The following HPD variants were observed in gnomAD, a reference collection of about 807,000 sequenced individuals.
HPD encodes the protein 4-hydroxyphenylpyruvate dioxygenase.
HPD carries 35 observed loss-of-function variants against 56.9 expected under a neutral mutation model. The observed-to-expected ratio is 0.62, with a 90% CI of 0.47 to 0.82. The LOEUF is 0.82. Among genes scored for constraint, HPD ranks in the 40% least tolerant of loss-of-function variants. The pLI is 0.00. For synonymous variants in HPD, 186 were observed against 200.2 expected, an observed-to-expected ratio of 0.93 and a Z score of 0.60; for missense variants, 442 against 506.8, an observed-to-expected ratio of 0.87 and a Z score of 1.23.
In HPD at chr12:121,845,462, G is replaced by A. The variant is rs931710613; in HGVS notation, c.831+1400C>T. 4.0e-5 allele frequency among the ~76,000 whole-genome samples: 6 copies of A among 150,436 alleles called. 1 individual carries two copies. The highest frequency in any genetic ancestry group is 4.2e-4 in the South Asian group (2 of 4,796). On this transcript the variant is annotated intron_variant, in intron 11 of 13. Transcript: ENST00000289004. ...ATACAAAAAAAAACATTAGCTGGGC[G>A]TGGTGGCGGGTGCCTGTAGTCCCAG...
intron 11 of HPD, among the ~76,000 whole-genome samples, chr12:121,844,450 G>A (rs1001995129): frequency 6.6e-6 from 1 of 150,990 alleles, no homozygotes; most frequent in Non-Finnish European, 1.5e-5. Flanking sequence ...GGCATGAAAC[G>A]ATTAAGGATC....
At chr12:121,841,773 T>TC (rs769906044) in intron 12 of HPD, among the ~76,000 whole-genome samples, 197 of 151,936 alleles carry the variant, frequency 1.3e-3, no homozygotes, top group Non-Finnish European at 2.0e-3. Flanking sequence ...AACCTCCCCT[T>TC]CCCTGGGTTC....
upstream of HPD, among the ~76,000 whole-genome samples, chr12:121,866,021 G>T (rs1463672337): frequency 6.6e-6 from 1 of 151,686 alleles, no homozygotes; most frequent in East Asian, 1.9e-4. Flanking sequence ...AAAAAGGTGG[G>T]GCGCCGTGGC....
chr12:121,850,360 G>A (rs1028390796), intron 7 of HPD, among the ~76,000 whole-genome samples: 5 of 151,300 alleles, frequency 3.3e-5, no homozygotes, highest in African/African-American at 4.8e-5. Context: ...CCAGGAGGCA[G>A]AGCTTGCAGT....
chr12:121,882,603 C>T, the HPD span, among the ~76,000 whole-genome samples: 3 of 152,276 alleles, frequency 2.0e-5, no homozygotes, highest in South Asian at 6.2e-4. Context: ...CTAAGAATCT[C>T]CAGTGCATGG....
chr12:121,858,866 G>A, upstream of HPD: 1 of 1,613,056 alleles, frequency 6.2e-7, no homozygotes, highest in East Asian at 2.2e-5. Flanking sequence ...AGAGGCCTGG[G>A]GAGTGCTGGG....
At position 121,846,903 on chromosome 12, in the gene HPD, C is replaced by T; in HGVS notation, c.790G>A (p.Val264Ile). The change falls in exon 11 of 14, where the codon GTC (valine) becomes ATC (isoleucine). Residue 264 changes from valine to isoleucine, a missense_variant. Physicochemically the swap from Val to Ile is conservative, Grantham distance 29 (BLOSUM62 3). Transcript: ENST00000289004. ...EYVDYNGGAG[V>I]QHIALKTEDI... ...TCGGTCTTGAGAGCGATGTGCTGGACCCCAGCGCCCCCGTTATAGTCCACA... is the reference window on the plus strand; with the variant it reads ...TCGGTCTTGAGAGCGATGTGCTGGATCCCAGCGCCCCCGTTATAGTCCACA... The T allele has an allele frequency of 6.2e-7, 1 of 1,614,090 alleles. No individual in the cohort carries two copies. The highest frequency in any genetic ancestry group is 2.2e-5 in the East Asian group (1 of 44,880).
At chr12:121,847,568 G>T (rs552438620) in intron 9 of HPD, among the ~76,000 whole-genome samples, 2 of 151,502 alleles carry the variant, frequency 1.3e-5, no homozygotes, top group Admixed American at 1.3e-4. Flanking sequence ...ACGGAGTTTC[G>T]CTCTTTTCGC....
At chr12:121,853,730 G>A (rs1018501152) in intron 7 of HPD, among the ~76,000 whole-genome samples, 6 of 148,088 alleles carry the variant, frequency 4.1e-5, no homozygotes, top group African/African-American at 1.5e-4. Flanking sequence ...GATCACTTGA[G>A]GTCAGGAGTT....
chr12:121,857,262 T>C, intron 4 of HPD, 66 bp downstream of exon 4: 2 of 1,045,550 alleles, frequency 1.9e-6, no homozygotes, highest in South Asian at 2.5e-5. Flanking sequence ...CTATTTTTAA[T>C]AGAGATGGGG....
chr12:121,879,193 GA>G, the HPD span, among the ~76,000 whole-genome samples: 1 of 152,096 alleles, frequency 6.6e-6, no homozygotes, highest in African/African-American at 2.4e-5. Flanking sequence ...GCTGAGGCCA[GA>G]GAATTGCTTG....
the HPD span, among the ~76,000 whole-genome samples, chr12:121,877,570 T>C: frequency 6.6e-6 from 1 of 152,000 alleles, no homozygotes; most frequent in African/African-American, 2.4e-5. Context: ...CCATCTCTAC[T>C]AAAAATACAA....
rs1030229181 is a variant in HPD at position 121,840,801 on chromosome 12, A to G, written c.955-753T>C. 9.3e-5 allele frequency among the ~76,000 whole-genome samples: 14 copies of G among 151,292 alleles called. 1 individual carries two copies. Among genetic ancestry groups the G allele is most frequent in the Admixed American group, 7.3e-4 (11 of 15,162 alleles). ...AAAAAAAAAAAGGGGGTGGCCAGGC[A>G]TGGTGGCTCACTTTGGGAGGCCGAG... On this transcript the variant is annotated intron_variant, in intron 12 of 13. Transcript: ENST00000289004.
rs1877674491 is a variant in HPD, at chr12:121,848,988, C to T, written c.596+11G>A. ...TCATCTTCACGCAGAGGGAGAGGGC[C>T]AAGGTCTCACCATTCGGAGGCGGAC... On this transcript the variant is annotated intron_variant, in intron 9 of 13. Coordinates refer to ENST00000289004, the MANE Select transcript of HPD (RefSeq NM_002150.3). 6.2e-7 allele frequency: 1 copy of T among 1,608,272 alleles called. No homozygotes were observed. The highest frequency in any genetic ancestry group is 1.7e-5 in the Admixed American group (1 of 59,948).
the HPD span, among the ~76,000 whole-genome samples, chr12:121,872,956 G>C: frequency 6.6e-6 from 1 of 152,036 alleles, no homozygotes; most frequent in Non-Finnish European, 1.5e-5. Flanking sequence ...GCTAGTTTGA[G>C]TTGGGTTTCT....
chr12:121,848,015 A>G (rs1309118542), intron 9 of HPD, among the ~76,000 whole-genome samples: 2 of 152,176 alleles, frequency 1.3e-5, no homozygotes, highest in Non-Finnish European at 2.9e-5. Context: ...GTGTCTTGGA[A>G]CGAAATACAT....
In HPD at chr12:121,857,757, C is replaced by T. The variant is rs147456937; in HGVS notation, c.93G>A (p.Gln31=). 6.2e-7 allele frequency: 1 copy of T among 1,613,606 alleles called. No homozygotes were observed. The highest frequency in any genetic ancestry group is 8.5e-7 in the Non-Finnish European group (1 of 1,179,534). ...TCCAGCACCTTGCCCCGGCTTCTAC[C>T]TGCTTGGCGTTGCCAACCCAGAAGG... is the stretch of plus-strand genomic sequence containing the variant. The part of the protein sequence containing the change: ...SVTFWVGNAK[Q]ATSFYCSKMG... The change falls in exon 3 of 14, where the codon CAG becomes CAA. Residue 31 remains glutamine (Q), a splice_region_variant and synonymous_variant. Coordinates refer to ENST00000289004, the MANE Select transcript of HPD (RefSeq NM_002150.3).
intron 9 of HPD, 118 bp downstream of exon 9, chr12:121,848,881 C>T (rs183795252): frequency 5.1e-5 from 43 of 835,488 alleles, no homozygotes; most frequent in Middle Eastern, 3.4e-4. Flanking sequence ...GCTGGGATTA[C>T]GGGTGTGAGC....
chr12:121,847,551 T>C (rs911783266), intron 9 of HPD, among the ~76,000 whole-genome samples: 3 of 151,658 alleles, frequency 2.0e-5, no homozygotes, highest in Non-Finnish European at 4.4e-5. Context: ...ATTTTTTGTT[T>C]TTTGAGACGG....
Sources: gnomAD v4.1 joint callset for allele counts (sites outside exome capture counted in the v4.1 genomes callset) on GRCh38, gnomAD v4.1.1 for gene constraint, MANE v1.5 for transcripts, NCBI Gene and HGNC (gene_info 2026-07-23, HGNC 2026-07-21) for gene names.